Variants in PDCD2L observed in about 807,000 individuals in gnomAD.
PDCD2L encodes uS5 assembly chaperone PDCD2L.
A neutral mutation model predicts 40.4 loss-of-function variants in PDCD2L; 44 were observed. The ratio of observed to expected loss-of-function variants is 1.09; its 90% CI spans 0.86 to 1.40. The LOEUF (loss-of-function observed/expected upper bound fraction) is 1.40, where lower values mean the gene tolerates loss of function less well. Among genes scored for constraint, PDCD2L ranks in the 40% most tolerant of loss-of-function variants. The pLI is 0.00. For synonymous variants in PDCD2L, 194 were observed against 174.6 expected (o/e 1.11, Z -0.88); for missense variants, 470 against 453.7 (o/e 1.04, Z -0.33).
chr19:34,417,584 G>T (rs2075131627), intron 5 of PDCD2L, among the ~76,000 whole-genome samples: 1 of 151,496 alleles, frequency 6.6e-6, no homozygotes, highest in African/African-American at 2.4e-5. Flanking sequence ...CTCCAGCCTG[G>T]GCGAGAGAGC....
At chr19:34,425,301 CTT>C (rs35392752) in intron 6 of PDCD2L, among the ~76,000 whole-genome samples, 45 of 132,040 alleles carry the variant, frequency 3.4e-4, no homozygotes, top group Non-Finnish European at 3.6e-4. Context: ...TTTCTCTCTT[CTT>C]TTTTTTTTTT....
chr19:34,409,109 A>G (rs944283048), intron 3 of PDCD2L, 52 bp from the exon 4 acceptor site: 3 of 1,535,476 alleles, frequency 2.0e-6, no homozygotes, highest in Non-Finnish European at 2.7e-6. Context: ...CCGAAGGATT[A>G]GAATAAACCT....
chr19:34,419,286 G>A (rs1219095589), intron 5 of PDCD2L, among the ~76,000 whole-genome samples: 1 of 151,810 alleles, frequency 6.6e-6, no homozygotes, highest in Non-Finnish European at 1.5e-5. Context: ...TCAGCCTCCT[G>A]AGTAGCTGGG....
In PDCD2L at chr19:34,404,664, G is replaced by T; in HGVS notation, c.124G>T (p.Val42Leu). The T allele has an allele frequency of 6.2e-7, 1 of 1,611,336 alleles. No homozygotes were observed. The change falls in exon 2 of 7, where the codon GTG becomes TTG. Residue 42 changes from valine (V) to leucine (L), a missense_variant. Coordinates refer to ENST00000246535, the MANE Select transcript of PDCD2L (RefSeq NM_032346.2). ...LGGIPDALPT[V>L]AAPRPVCQRC... is the part of the protein sequence containing the mutation. ...GTCCCCTCAGGATGCTCTGCCCACC[G>T]TGGCTGCGCCCAGGCCCGTGTGTCA...
intron 4 of PDCD2L, among the ~76,000 whole-genome samples, chr19:34,410,440 T>TG (rs2075096883): frequency 6.6e-6 from 1 of 151,880 alleles, no homozygotes; most frequent in Non-Finnish European, 1.5e-5. Flanking sequence ...TTAGTAGAGA[T>TG]GGGGTTTCAC....
chr19:34,418,139 T>C (rs2075133975), intron 5 of PDCD2L, among the ~76,000 whole-genome samples: 1 of 152,236 alleles, frequency 6.6e-6, no homozygotes, highest in African/African-American at 2.4e-5. Context: ...TGAGATACAA[T>C]TGACATACAA....
intron 3 of PDCD2L, among the ~76,000 whole-genome samples, chr19:34,405,237 C>T (rs1198099998): frequency 6.6e-6 from 1 of 150,526 alleles, no homozygotes; most frequent in Non-Finnish European, 1.5e-5. Context: ...ACCTCCGCCT[C>T]CCAGGTTCAA....
In PDCD2L at chr19:34,404,458, C is replaced by T. The variant is rs2075062127; in HGVS notation, c.28C>T (p.Leu10=). The T allele has an allele frequency of 1.3e-6, 2 of 1,544,994 alleles. No homozygotes were observed. Among genetic ancestry groups the T allele is most frequent in the African/African-American group, 1.4e-5 (1 of 72,980 alleles). Residue 10 remains leucine, a synonymous_variant, in exon 1 of 7, where the codon CTG becomes TTG. Transcript: ENST00000246535. ...GGCGGCCGTTCTGAAGCCGGTGCTG[C>T]TGGGCCTTCGAGATGCGCCGGTGCA... MAAVLKPVL[L]GLRDAPVHGS... is the part of the protein sequence containing the mutation.
At position 34,413,905 on chromosome 19, in the gene PDCD2L, A is replaced by C. The variant is rs11881405; in HGVS notation, c.797+58A>C. 1.4e-5 allele frequency: 16 copies of C among 1,123,878 alleles called. No homozygotes were observed. The African/African-American group carries it at 2.5e-4, about 18-fold the overall frequency. The allele number at this position is 1,123,878 out of a possible 1,614,324, so 69.6% of individuals were successfully genotyped here. On this transcript the variant is annotated intron_variant, in intron 5 of 6. Transcript: ENST00000246535. ...CCTTGATTATAAAGGAATACATATT[A>C]GTTTGGAAAACACAGGAAAATATGA...
Position 34,407,620 on chromosome 19 carries a change from G to A in PDCD2L, c.337-1541G>A, listed in dbSNP as rs568004485. The stretch of plus-strand genomic sequence containing the variant: ...GAATTTCCTTTTTTTTTTTAAGGGT[G>A]AAAAATATTCCATTGTATATATAGT... On this transcript the variant is annotated intron_variant, in intron 3 of 6. Coordinates refer to ENST00000246535, the MANE Select transcript of PDCD2L (RefSeq NM_032346.2). 3.2e-4 allele frequency among the ~76,000 whole-genome samples: 49 copies of A among 151,630 alleles called. No individual in the cohort carries two copies. In the East Asian group the frequency reaches 3.5e-3, roughly 11 times the overall value.
At chr19:34,419,005 C>T (rs767314484) in intron 5 of PDCD2L, among the ~76,000 whole-genome samples, 77 of 152,088 alleles carry the variant, frequency 5.1e-4, no homozygotes, top group Admixed American at 6.6e-4. Flanking sequence ...GAGTACAAGT[C>T]CTTTTTCAAT....
chr19:34,407,419 G>C (rs934526574), intron 3 of PDCD2L, among the ~76,000 whole-genome samples: 1 of 152,128 alleles, frequency 6.6e-6, no homozygotes, highest in African/African-American at 2.4e-5. Flanking sequence ...GATTACAGGC[G>C]TGAGCCACCA....
In PDCD2L at chr19:34,426,119, A is replaced by G; in HGVS notation, c.1076A>G (p.Ter359TrpextTer6). Residue 359 changes from the stop codon to tryptophan (W), a stop_lost, in exon 7 of 7, where the codon TAG becomes TGG. Coordinates refer to ENST00000246535, the MANE Select transcript of PDCD2L (RefSeq NM_032346.2). Reference protein sequence around the residue: ...QEDPDELLFK* With the variant: ...QEDPDELLFKW ...GACCCAGATGAATTATTGTTTAAGT[A>G]GAGCATTTCCTTTTATTAATATAAA... The G allele has an allele frequency of 6.4e-7, 1 of 1,550,626 alleles. No homozygotes were observed. Among genetic ancestry groups the G allele is most frequent in the Non-Finnish European group, 8.9e-7 (1 of 1,126,684 alleles).
chr19:34,406,958 T>C (rs2075079456), intron 3 of PDCD2L, among the ~76,000 whole-genome samples: 1 of 149,332 alleles, frequency 6.7e-6, no homozygotes, highest in South Asian at 2.2e-4. Flanking sequence ...TGCCTCAGCC[T>C]CCCTAGTAGC....
chr19:34,412,239 C>T (rs1459188903), intron 4 of PDCD2L, among the ~76,000 whole-genome samples: 2 of 151,402 alleles, frequency 1.3e-5, no homozygotes, highest in Non-Finnish European at 2.9e-5. Flanking sequence ...AGGATGGTCT[C>T]GATCTTTTGA....
chr19:34,425,147 G>A (rs2145476149), intron 6 of PDCD2L, among the ~76,000 whole-genome samples: 1 of 151,990 alleles, frequency 6.6e-6, no homozygotes, highest in Non-Finnish European at 1.5e-5. Context: ...CTAATATCAG[G>A]AGTTCTTATT....
chr19:34,419,622 A>T (rs781570520), intron 5 of PDCD2L, among the ~76,000 whole-genome samples: 13 of 151,414 alleles, frequency 8.6e-5, no homozygotes, highest in Non-Finnish European at 1.6e-4. Flanking sequence ...GGTTATAGGC[A>T]TCTGTCACCA....
intron 6 of PDCD2L, among the ~76,000 whole-genome samples, chr19:34,422,738 C>T (rs530186950): frequency 7.4e-5 from 11 of 149,556 alleles, no homozygotes; most frequent in African/African-American, 9.8e-5. Flanking sequence ...TTTCTTGAGA[C>T]GGAGTCTTGC....
rs2075122743 is a variant in PDCD2L at position 34,415,412 on chromosome 19, T to C, written c.797+1565T>C. Among the ~76,000 whole-genome samples, 3 of 152,182 alleles carry C rather than the reference T, an allele frequency of 2.0e-5. No individual in the cohort carries two copies. The South Asian group carries it at 6.2e-4, about 32-fold the overall frequency. On this transcript the variant is annotated intron_variant, in intron 5 of 6. Transcript: ENST00000246535. ...TACAGGCTTGAGCCACTGTGACTAG[T>C]GGGGGAGATTAAAAACAAACCTGTA...
Sources: allele counts gnomAD v4.1 joint callset (sites outside exome capture counted in the v4.1 genomes callset), GRCh38; gene constraint gnomAD v4.1.1; transcripts MANE v1.5; gene names NCBI Gene and HGNC (gene_info 2026-07-23, HGNC 2026-07-21).